The following NBL1 variants were observed in gnomAD, a reference collection of about 807,000 sequenced individuals.
The protein encoded by NBL1 is NBL1, DAN family BMP antagonist.
In NBL1, 9 loss-of-function variants were observed where a neutral mutation model predicts 16.0. The observed-to-expected ratio is 0.56, with a 90% CI of 0.34 to 0.98. The LOEUF is 0.98. Among genes scored for constraint, NBL1 ranks in the 50% least tolerant of loss-of-function variants. NBL1 has a pLI of 0.02. For synonymous variants in NBL1, 86 were observed against 100.7 expected (o/e 0.85, Z 0.87); for missense variants, 196 against 243.1 (o/e 0.81, Z 1.29).
At chr1:19,654,509 T>C (rs564032324) in intron 1 of NBL1, among the ~76,000 whole-genome samples, 3 of 152,316 alleles carry the variant, frequency 2.0e-5, no homozygotes, top group South Asian at 4.1e-4. Flanking sequence ...AGACATGGTG[T>C]GTGGCCAGCC....
chr1:19,647,868 T>TGC (rs2094992017), intron 1 of NBL1, among the ~76,000 whole-genome samples: 1 of 142,264 alleles, frequency 7.0e-6, no homozygotes, highest in Admixed American at 6.8e-5. Context: ...TGTGTGTGCG[T>TGC]GTGTGTGTGT....
chr1:19,655,929 C>T (rs2095053966), intron 3 of NBL1, among the ~76,000 whole-genome samples: 1 of 152,206 alleles, frequency 6.6e-6, no homozygotes, highest in South Asian at 2.1e-4. Flanking sequence ...TGTCCCCTTT[C>T]TCTAGTTCAC....
chr1:19,654,077 G>GT (rs2095042831), intron 1 of NBL1, among the ~76,000 whole-genome samples: 1 of 152,142 alleles, frequency 6.6e-6, no homozygotes, highest in Non-Finnish European at 1.5e-5. Context: ...TTCAGGGTCA[G>GT]TTTTTTTGCC....
At chr1:19,653,690 A>G (rs1411940943) in intron 1 of NBL1, among the ~76,000 whole-genome samples, 7 of 152,216 alleles carry the variant, frequency 4.6e-5, no homozygotes, top group Non-Finnish European at 7.3e-5. Flanking sequence ...ACGTGGACCC[A>G]TGCCCTTTCT....
At chr1:19,644,261 C>A (rs2094963751), upstream of NBL1, 4 of 978,778 alleles carry the variant, frequency 4.1e-6, no homozygotes, top group South Asian at 1.4e-4. The surrounding 1 kb of genome is among the most constrained non-coding windows in gnomAD (Gnocchi z 4.6). Context: ...TTGGAGGGAG[C>A]CACCCTGACG....
At chr1:19,651,467 C>T (rs2095025151) in intron 1 of NBL1, among the ~76,000 whole-genome samples, 1 of 152,236 alleles carries the variant, frequency 6.6e-6, no homozygotes, top group Non-Finnish European at 1.5e-5. Flanking sequence ...CGCTGATAAC[C>T]AGTTCCTGAT....
At chr1:19,643,601 T>A, upstream of NBL1, 1 of 1,396,132 alleles carries the variant, frequency 7.2e-7, no homozygotes, top group Non-Finnish European at 9.3e-7. The surrounding 1 kb of genome is among the most constrained non-coding windows in gnomAD (Gnocchi z 4.7). Flanking sequence ...GGCCAGGAGC[T>A]CCACTCTTCC....
upstream of NBL1, chr1:19,644,287 C>A (rs2094963941): frequency 5.1e-6 from 5 of 979,452 alleles, no homozygotes; most frequent in African/African-American, 7.1e-5. This position sits in a 1 kb window ranked among gnomAD's most constrained non-coding sequence, Gnocchi z 4.6. Context: ...GCCGCTCCCC[C>A]GCGCCGCGCG....
At chr1:19,652,407 C>T (rs984024473) in intron 1 of NBL1, among the ~76,000 whole-genome samples, 7 of 152,138 alleles carry the variant, frequency 4.6e-5, no homozygotes, top group African/African-American at 1.2e-4. Flanking sequence ...TCAGCAAGAC[C>T]GGAAATGCGT....
At chr1:19,654,828 C>CCACT (rs1470123976) in intron 1 of NBL1, among the ~76,000 whole-genome samples, 184 bp from the exon 2 acceptor site, 1 of 152,198 alleles carries the variant, frequency 6.6e-6, no homozygotes, top group Non-Finnish European at 1.5e-5. Flanking sequence ...GATGTAGGTA[C>CCACT]CACTCCCAGC....
upstream of NBL1, chr1:19,643,705 G>A (rs2094960855): frequency 8.6e-7 from 1 of 1,161,684 alleles, no homozygotes; most frequent in Non-Finnish European, 1.1e-6. The surrounding 1 kb of genome is among the most constrained non-coding windows in gnomAD (Gnocchi z 4.7). Flanking sequence ...GCGTGGGGCC[G>A]AGAGCGACAC....
At chr1:19,648,581 C>G (rs569623459) in intron 1 of NBL1, among the ~76,000 whole-genome samples, 1 of 152,242 alleles carries the variant, frequency 6.6e-6, no homozygotes, top group South Asian at 2.1e-4. Flanking sequence ...GTGTTTGTTC[C>G]CTGCCCTCTT....
At position 19,657,370 on chromosome 1, in the gene NBL1, T is replaced by TGG. The variant is rs3833542; in HGVS notation, c.*248_*249dup. 0.57 allele frequency: 81,618 copies of TGG among 143,048 alleles called. 23,972 individuals carry two copies. Among genetic ancestry groups the TGG allele is most frequent in the Non-Finnish European group, 0.61 (42,930 of 70,312 alleles). 8.9% of individuals were successfully genotyped at this position (143,048 alleles called of 1,614,324 possible). On this transcript the variant is annotated 3_prime_UTR_variant, in exon 4 of 4. Transcript: ENST00000375136. Reference sequence around the variant, plus strand: ...GCAGAGGTCTTCAGGGCTCTTTTTTTGGGGGGGGTGGTCTCTTCCTGTCTG... The same window carrying TGG: ...GCAGAGGTCTTCAGGGCTCTTTTTTTGGGGGGGGGGTGGTCTCTTCCTGTCTG...
At chr1:19,649,802 C>G (rs147545185) in intron 1 of NBL1, among the ~76,000 whole-genome samples, 2 of 152,088 alleles carry the variant, frequency 1.3e-5, no homozygotes, top group Admixed American at 6.5e-5. Flanking sequence ...GCTGGGACCA[C>G]AGGCATGCAC....
At chr1:19,646,133 C>T (rs2100391280) in intron 1 of NBL1, 2 of 1,374,756 alleles carry the variant, frequency 1.5e-6, no homozygotes, top group Non-Finnish European at 2.0e-6. Context: ...CCCTGTGTGT[C>T]CGCCCTCTGG....
Position 19,656,882 on chromosome 1 carries a change from C to A in NBL1, c.299C>A (p.Pro100Gln). 1 of 1,611,556 alleles carries A rather than the reference C, an allele frequency of 6.2e-7. No homozygotes were observed. The highest frequency in any genetic ancestry group is 8.5e-7 in the Non-Finnish European group (1 of 1,178,302). Residue 100 changes from proline to glutamine, a missense_variant, in exon 4 of 4, where the codon CCG (proline) becomes CAG (glutamine). By Grantham distance (76) the Pro-to-Gln change is moderately conservative. Coordinates refer to ENST00000375136, the MANE Select transcript of NBL1 (RefSeq NM_005380.8). ...CCTCTGCAGGTGACGCTGGAGTGCC[C>A]GGGCCACGAGGAGGTGCCCAGGGTG... ...SMWEIVTLEC[P>Q]GHEEVPRVDK...
chr1:19,645,815 A>C, intron 1 of NBL1: 12 of 1,450,954 alleles, frequency 8.3e-6, no homozygotes, highest in East Asian at 2.6e-5. Context: ...TCGGCCAGGG[A>C]TATCGCCTCA....
At chr1:19,650,139 T>C (rs527834695) in intron 1 of NBL1, among the ~76,000 whole-genome samples, 11 of 152,156 alleles carry the variant, frequency 7.2e-5, no homozygotes, top group Admixed American at 1.3e-4. Flanking sequence ...TACAGTCACA[T>C]GTGGTCCAGA....
rs2094964487 is a variant in NBL1, at chr1:19,644,346, C to T, written c.-120C>T. On this transcript the variant is annotated 5_prime_UTR_variant, in exon 1 of 4. Transcript: ENST00000375136. The surrounding 1 kb of genome is among the most constrained non-coding windows in gnomAD (Gnocchi z 4.6). The stretch of plus-strand genomic sequence containing the variant: ...CGCAGCGCAGCCCAGCCGAGCGTCG[C>T]GGGGCCGCCCCCCGCCCTGCCGGCC... 6.1e-6 allele frequency: 6 copies of T among 978,696 alleles called. No homozygotes were observed. Among genetic ancestry groups the T allele is most frequent in the Non-Finnish European group, 6.0e-6 (5 of 827,138 alleles). 60.6% of individuals were successfully genotyped at this position (978,696 alleles called of 1,614,324 possible).
Sources: allele counts gnomAD v4.1 joint callset (sites outside exome capture counted in the v4.1 genomes callset), GRCh38; gene constraint gnomAD v4.1.1; non-coding constraint Gnocchi (gnomAD v3.1); transcripts MANE v1.5; gene names NCBI Gene and HGNC (gene_info 2026-07-23, HGNC 2026-07-21).